RAE1: variants seen among roughly 807,000 people sequenced by gnomAD.
RAE1 encodes mRNA export factor RAE1.
A neutral mutation model predicts 52.7 loss-of-function variants in RAE1; 13 were observed. The observed-to-expected ratio is 0.25, with a 90% CI of 0.16 to 0.39. The LOEUF (loss-of-function observed/expected upper bound fraction) is 0.39. RAE1 is among the 10% of genes least tolerant of loss of function. The probability of loss-of-function intolerance (pLI) is 1.00; values close to 1 mark genes in which losing one functional copy is unlikely to be tolerated. For synonymous variants in RAE1, 164 were observed against 153.1 expected (o/e 1.07, Z -0.52); for missense variants, 262 against 459.8 (o/e 0.57, Z 3.93).
intron 4 of RAE1, among the ~76,000 whole-genome samples, chr20:57,361,985 A>G (rs1357361098): frequency 6.6e-6 from 1 of 152,194 alleles, no homozygotes; most frequent in Non-Finnish European, 1.5e-5. Context: ...TTAGATTGTC[A>G]CAGGAGCTCG....
chr20:57,377,856 G>A (rs2067138649), intron 11 of RAE1, among the ~76,000 whole-genome samples, 157 bp from the exon 12 acceptor site: 3 of 152,120 alleles, frequency 2.0e-5, no homozygotes, highest in Admixed American at 6.6e-5. Context: ...GAGGACTGAA[G>A]TTCTGCTTCG....
intron 1 of RAE1, chr20:57,351,791 C>T (rs1278440450): frequency 1.0e-6 from 1 of 985,394 alleles, no homozygotes; most frequent in Non-Finnish European, 1.2e-6. Context: ...TAGCCTCTTC[C>T]ACGTCAACCT....
rs144341117 is a variant in RAE1, at chr20:57,354,733, C to A, written c.112C>A (p.Pro38Thr). The A allele has an allele frequency of 2.1e-5, 34 of 1,595,396 alleles. No homozygotes were observed. The highest frequency in any genetic ancestry group is 2.9e-5 in the Non-Finnish European group (34 of 1,173,288). ...PMKDIEVTSS[P>T]DDSIGCLSFS... is the part of the protein sequence containing the mutation. ...GCAGGATATTGAAGTAACATCATCT[C>A]CTGATGATAGCATTGGTTGTCTGTC... The change falls in exon 3 of 12, where the codon CCT (proline) becomes ACT (threonine). Residue 38 changes from proline (P) to threonine (T), a missense_variant. By Grantham distance (38) the Pro-to-Thr change is conservative. Transcript: ENST00000395841.
intron 5 of RAE1, among the ~76,000 whole-genome samples, chr20:57,366,372 A>G (rs974757138): frequency 5.3e-5 from 8 of 152,218 alleles, no homozygotes; most frequent in Non-Finnish European, 1.0e-4. Flanking sequence ...AGGTTGTATG[A>G]GTATGGTGCC....
At chr20:57,364,021 C>G (rs1282499978) in intron 4 of RAE1, among the ~76,000 whole-genome samples, 1 of 152,240 alleles carries the variant, frequency 6.6e-6, no homozygotes, top group Non-Finnish European at 1.5e-5. Flanking sequence ...AGCCCATGTG[C>G]TTAGCAGCCT....
At chr20:57,367,128 T>A in intron 7 of RAE1, 49 bp downstream of exon 7, 1 of 1,439,934 alleles carries the variant, frequency 6.9e-7, no homozygotes, top group Non-Finnish European at 9.5e-7. Context: ...AAAAACAAAA[T>A]AAGTATTCTC....
chr20:57,353,978 C>T (rs1312596044), intron 1 of RAE1, 54 bp from the exon 2 acceptor site: 27 of 1,452,180 alleles, frequency 1.9e-5, no homozygotes, highest in Admixed American at 5.3e-5. Flanking sequence ...TTACCATTGC[C>T]TCTCAGTGAT....
chr20:57,351,894 C>T (rs770135841), intron 1 of RAE1: 1 of 985,348 alleles, frequency 1.0e-6, no homozygotes, highest in Non-Finnish European at 1.2e-6. Context: ...TATATAGGTG[C>T]CACCGTACAG....
chr20:57,371,819 C>G (rs2067039635), intron 8 of RAE1: 1 of 152,238 alleles, frequency 6.6e-6, no homozygotes, highest in Non-Finnish European at 1.5e-5. Context: ...AAGTGTATAC[C>G]TGCAGTAGGA....
At chr20:57,369,858 A>G (rs6099586) in intron 8 of RAE1, among the ~76,000 whole-genome samples, 6,017 of 152,252 alleles carry the variant, frequency 0.04, 176 homozygotes, top group African/African-American at 0.088. Flanking sequence ...TTCTCCTGCC[A>G]GATCTAGAAA....
In RAE1 at chr20:57,364,453, A is replaced by G. The variant is rs375127292; in HGVS notation, c.289-903A>G. Among the ~76,000 whole-genome samples the G allele has an allele frequency of 2.0e-5, 3 of 152,350 alleles. No homozygotes were observed. In the South Asian group the frequency reaches 6.2e-4, roughly 32 times the overall value. On this transcript the variant is annotated intron_variant, in intron 4 of 11. Coordinates refer to ENST00000395841, the MANE Select transcript of RAE1 (RefSeq NM_003610.4). Reference sequence around the variant, plus strand: ...CAAGGATTTGTAGAATTACAACCTCATTAAAAGCATGAGGAGCAAGTTTTA... The same window carrying G: ...CAAGGATTTGTAGAATTACAACCTCGTTAAAAGCATGAGGAGCAAGTTTTA...
rs934863636 is a variant in RAE1 at position 57,368,598 on chromosome 20, T to C, written c.535-107T>C. 1.3e-4 allele frequency: 85 copies of C among 652,296 alleles called. No individual in the cohort carries two copies. In the African/African-American group the frequency reaches 1.3e-3, roughly 10 times the overall value. 40.4% of individuals were successfully genotyped at this position (652,296 alleles called of 1,614,324 possible). A position where few individuals can be genotyped will look rare whatever the true frequency, so the allele number is the denominator to read the frequency against. On this transcript the variant is annotated intron_variant, in intron 7 of 11. Transcript: ENST00000395841. ...TTAGTGAAATATAATCCCAGGATTA[T>C]TAAAATCCAGACTTAATGTTGTAAC...
At chr20:57,353,321 C>T (rs2066738024) in intron 1 of RAE1, among the ~76,000 whole-genome samples, 1 of 152,172 alleles carries the variant, frequency 6.6e-6, no homozygotes, top group Admixed American at 6.5e-5. Flanking sequence ...TCTATGTTTG[C>T]AGAGCAGGAA....
At chr20:57,375,862 A>G (rs2067107194) in intron 11 of RAE1, among the ~76,000 whole-genome samples, 2 of 151,974 alleles carry the variant, frequency 1.3e-5, no homozygotes, top group South Asian at 2.1e-4. Context: ...CTTCTTGGCC[A>G]TGTCCTGGTT....
In RAE1 at chr20:57,356,542, C is replaced by T. The variant is rs1308980007; in HGVS notation, c.288+4C>T. The T allele has an allele frequency of 5.0e-6, 8 of 1,603,446 alleles. No homozygotes were observed. Among genetic ancestry groups the T allele is most frequent in the East Asian group, 2.2e-5 (1 of 44,702 alleles). On this transcript the variant is annotated splice_donor_region_variant and intron_variant, in intron 4 of 11. Coordinates refer to ENST00000395841, the MANE Select transcript of RAE1 (RefSeq NM_003610.4). ...GCTTGATGTCTGCTGGAGTGACGTA[C>T]GTTCCCTTCCATTTCTCGTGTTCCA...
intron 11 of RAE1, among the ~76,000 whole-genome samples, chr20:57,376,420 C>G (rs938442593): frequency 5.3e-5 from 8 of 152,284 alleles, no homozygotes; most frequent in African/African-American, 1.7e-4. Context: ...AACCATGGAT[C>G]TGTTTTCTGG....
At chr20:57,359,034 G>T (rs372486264) in intron 4 of RAE1, 1 of 1,514,872 alleles carries the variant, frequency 6.6e-7, no homozygotes, top group Non-Finnish European at 8.8e-7. Context: ...ACCTTCGTGT[G>T]GCCATTCATT....
chr20:57,373,593 T>TC lies in RAE1; in HGVS notation c.749+13dup. The TC allele has an allele frequency of 6.2e-7, 1 of 1,613,400 alleles. No homozygotes were observed. The highest frequency in any genetic ancestry group is 8.5e-7 in the Non-Finnish European group (1 of 1,179,312). ...AACCCCCCGAACCCGTAAGTGTGAC[T>TC]CTGTCAGCTTGCAGATTTCACTGGA... On this transcript the variant is annotated intron_variant, in intron 9 of 11. Coordinates refer to ENST00000395841, the MANE Select transcript of RAE1 (RefSeq NM_003610.4).
rs542153691 is a variant in RAE1, at chr20:57,353,443, G to A, written c.-7-589G>A. Among the ~76,000 whole-genome samples, 46 of 152,328 alleles carry A rather than the reference G, an allele frequency of 3.0e-4. No individual in the cohort carries two copies. The East Asian group carries it at 3.9e-3, about 13-fold the overall frequency. On this transcript the variant is annotated intron_variant, in intron 1 of 11. Transcript: ENST00000395841. ...TCAAGAAAAAACCCAGGGTGGGAGA[G>A]GTTCTTGCTGGGTAAATGTCCAAAA...
Sources: gnomAD v4.1 joint callset for allele counts (sites outside exome capture counted in the v4.1 genomes callset) on GRCh38, gnomAD v4.1.1 for gene constraint, MANE v1.5 for transcripts, NCBI Gene and HGNC (gene_info 2026-07-23, HGNC 2026-07-21) for gene names.